Variants in DLGAP2 observed in about 807,000 individuals in gnomAD.
DLGAP2 encodes the protein DLG associated protein 2.
In DLGAP2, 26 loss-of-function variants were observed where a neutral mutation model predicts 100.3. That is an observed-to-expected ratio of 0.26 (90% confidence interval 0.19 to 0.36). The LOEUF (loss-of-function observed/expected upper bound fraction) is 0.36, where lower values mean the gene tolerates loss of function less well. Among genes scored for constraint, DLGAP2 ranks in the 10% least tolerant of loss-of-function variants. The pLI, the probability that DLGAP2 is intolerant of heterozygous loss-of-function variation, is 1.00. For missense variants in DLGAP2, 1,858 were observed against 1,453.2 expected (o/e 1.28, Z -4.53); for synonymous variants, 886 against 630.1 (o/e 1.41, Z -6.08).
At chr8:1,627,007 G>A in intron 7 of DLGAP2, 120 bp downstream of exon 7, 1 of 1,258,612 alleles carries the variant, frequency 7.9e-7, no homozygotes, top group South Asian at 1.5e-5. Context: ...CTTGGGCAAG[G>A]CTACACCAAA....
At chr8:1,324,459 C>T (rs1800974994) in intron 3 of DLGAP2, among the ~76,000 whole-genome samples, 1 of 152,202 alleles carries the variant, frequency 6.6e-6, no homozygotes, top group South Asian at 2.1e-4. Context: ...AATTCTTCCA[C>T]AGCGTTCAAG....
chr8:1,593,896 C>G (rs1796365593), intron 6 of DLGAP2, among the ~76,000 whole-genome samples: 2 of 152,226 alleles, frequency 1.3e-5, no homozygotes, highest in South Asian at 4.1e-4. Flanking sequence ...GCATCCCACA[C>G]CTCAGCTTCT....
chr8:1,393,125 C>T (rs1490538917), intron 3 of DLGAP2, among the ~76,000 whole-genome samples: 1 of 18,882 alleles, frequency 5.3e-5, no homozygotes, highest in Non-Finnish European at 1.0e-4. Flanking sequence ...CCTCCAGAGT[C>T]GTGTATTGAG....
At chr8:1,561,315 A>G (rs1232848227) in intron 5 of DLGAP2, among the ~76,000 whole-genome samples, 1 of 152,072 alleles carries the variant, frequency 6.6e-6, no homozygotes, top group African/African-American at 2.4e-5. Context: ...CAATACCTCC[A>G]ATTCCCTTTC....
chr8:1,682,674 A>G (rs928178756), intron 12 of DLGAP2, among the ~76,000 whole-genome samples: 1 of 151,310 alleles, frequency 6.6e-6, no homozygotes, highest in Non-Finnish European at 1.5e-5. Context: ...GAGTTTCACC[A>G]TGTTGGCCAG....
chr8:1,096,313 G>C (rs1804364594), intron 2 of DLGAP2, among the ~76,000 whole-genome samples: 1 of 152,242 alleles, frequency 6.6e-6, no homozygotes, highest in Admixed American at 6.5e-5. Flanking sequence ...CTTGGATGCA[G>C]GAGGTTTGTG....
intron 1 of DLGAP2, among the ~76,000 whole-genome samples, chr8:812,243 C>T (rs773875786): frequency 6.6e-6 from 1 of 152,180 alleles, no homozygotes; most frequent in African/African-American, 2.4e-5. Context: ...CGAAGGCCGT[C>T]TGGAGGTGAA....
chr8:1,040,245 G>A (rs73670416), intron 2 of DLGAP2, among the ~76,000 whole-genome samples: 2,193 of 137,940 alleles, frequency 0.016, 37 homozygotes, highest in African/African-American at 0.053. Context: ...TCTGTGGTCA[G>A]CTCGGTTTCC....
At chr8:1,472,673 C>T (rs374431389) in intron 3 of DLGAP2, among the ~76,000 whole-genome samples, 1 of 152,086 alleles carries the variant, frequency 6.6e-6, no homozygotes, top group East Asian at 1.9e-4. Context: ...ACAGATGAGG[C>T]AAGGGGTGCA....
At chr8:787,520 C>G (rs1821903272) in intron 1 of DLGAP2, among the ~76,000 whole-genome samples, 1 of 152,244 alleles carries the variant, frequency 6.6e-6, no homozygotes, top group Non-Finnish European at 1.5e-5. Flanking sequence ...ATGGACCACT[C>G]AGGATGTGCA....
intron 2 of DLGAP2, among the ~76,000 whole-genome samples, chr8:1,093,903 C>A (rs1804278120): frequency 1.3e-5 from 2 of 152,206 alleles, no homozygotes; most frequent in African/African-American, 2.4e-5. Context: ...GGTCTGTCTG[C>A]ATCTGAGGAA....
At chr8:1,298,341 C>T (rs1800241423) in intron 3 of DLGAP2, among the ~76,000 whole-genome samples, 1 of 152,210 alleles carries the variant, frequency 6.6e-6, no homozygotes, top group Non-Finnish European at 1.5e-5. Context: ...CTGCAGCCTA[C>T]AGAGGCCGCG....
At chr8:1,039,663 TGGTCAGCTCGGTGTGC>T (rs1357125435) in intron 2 of DLGAP2, among the ~76,000 whole-genome samples, 2 of 118,364 alleles carry the variant, frequency 1.7e-5, no homozygotes, top group East Asian at 2.6e-4. Context: ...TCGGTGTGGG[TGGTCAGCTCGGTGTGC>T]GTGGTCAGCT....
intron 5 of DLGAP2, among the ~76,000 whole-genome samples, chr8:1,550,393 C>A (rs1293788218): frequency 6.6e-6 from 1 of 152,170 alleles, no homozygotes; most frequent in African/African-American, 2.4e-5. Context: ...GATCCCGACT[C>A]CTCCTTGGAA....
chr8:1,198,060 G>A (rs1324742715), intron 2 of DLGAP2, among the ~76,000 whole-genome samples: 1 of 152,160 alleles, frequency 6.6e-6, no homozygotes, highest in African/African-American at 2.4e-5. Flanking sequence ...GAGGAACAGA[G>A]GCCAATTCTG....
Position 1,701,450 on chromosome 8 carries a change from GA to G in DLGAP2, c.*45del. The G allele has an allele frequency of 6.5e-7, 1 of 1,538,528 alleles. No individual in the cohort carries two copies. The highest frequency in any genetic ancestry group is 8.8e-7 in the Non-Finnish European group (1 of 1,141,930). On this transcript the variant is annotated 3_prime_UTR_variant, in exon 15 of 15. Coordinates refer to ENST00000637795, the MANE Select transcript of DLGAP2 (RefSeq NM_001346810.2). ...TCCCCTCGTCGCTTCCGCTTTCCCG[GA>G]CGCTTGTGCAGCGCGGCGCCGCCCT...
chr8:1,326,865 T>C (rs1327070093), intron 3 of DLGAP2, among the ~76,000 whole-genome samples: 2 of 152,242 alleles, frequency 1.3e-5, no homozygotes, highest in Non-Finnish European at 2.9e-5. Flanking sequence ...GTATATGTTG[T>C]TGTGGAAACA....
intron 2 of DLGAP2, among the ~76,000 whole-genome samples, chr8:1,181,635 G>A (rs1797390843): frequency 6.6e-6 from 1 of 152,046 alleles, no homozygotes. Flanking sequence ...AAGCCCCCAC[G>A]ACCCAAGTTT....
rs114150345 is a variant in DLGAP2 at position 1,273,733 on chromosome 8, G to A, written c.106+14850G>A. ...ACCTCTGCTCAAAGGTGCTTCTAAT[G>A]AATCAGGATATCTGCTGCATGTTAA... On this transcript the variant is annotated intron_variant, in intron 3 of 14. Transcript: ENST00000637795. 7.3e-3 allele frequency among the ~76,000 whole-genome samples: 1,116 copies of A among 152,318 alleles called. 5 individuals carry two copies. The highest frequency in any genetic ancestry group is 0.011 in the African/African-American group (447 of 41,560).
Sources: gnomAD v4.1 joint callset for allele counts (sites outside exome capture counted in the v4.1 genomes callset) on GRCh38, gnomAD v4.1.1 for gene constraint, MANE v1.5 for transcripts, NCBI Gene and HGNC (gene_info 2026-07-23, HGNC 2026-07-21) for gene names.